SLC2A2: variants seen among roughly 807,000 people sequenced by gnomAD.
SLC2A2 encodes solute carrier family 2 member 2.
Under a neutral mutation model 54.5 loss-of-function variants are expected in SLC2A2, and 36 were observed. The observed-to-expected ratio is 0.66, with a 90% CI of 0.51 to 0.87. The LOEUF is 0.87. Among genes scored for constraint, SLC2A2 ranks in the 40% least tolerant of loss-of-function variants. The pLI is 0.00. For missense variants in SLC2A2, 543 were observed against 624.3 expected, an observed-to-expected ratio of 0.87 and a Z score of 1.39; for synonymous variants, 223 against 219.1, an observed-to-expected ratio of 1.02 and a Z score of -0.16.
At chr3:171,014,430 G>T in intron 3 of SLC2A2, 39 bp downstream of exon 3, 1 of 1,603,172 alleles carries the variant, frequency 6.2e-7, no homozygotes, top group Non-Finnish European at 8.5e-7. Flanking sequence ...ATGAAAATAT[G>T]AAAGTTTCTG....
chr3:171,018,239 T>TC lies in SLC2A2; in HGVS notation c.108+291dup, dbSNP rs1716244382. The stretch of plus-strand genomic sequence containing the variant: ...ATAAGCTCTTTTTTTCTTTTTTTTT[T>TC]CTAAAGTATCCTTCAGCACATGATA... On this transcript the variant is annotated intron_variant, in intron 2 of 10. Coordinates refer to ENST00000314251, the MANE Select transcript of SLC2A2 (RefSeq NM_000340.2). Among the ~76,000 whole-genome samples the TC allele has an allele frequency of 3.3e-5, 5 of 152,286 alleles. No homozygotes were observed. In the South Asian group the frequency reaches 1.0e-3, roughly 32 times the overall value.
At chr3:171,012,912 A>C (rs1019528739) in intron 3 of SLC2A2, among the ~76,000 whole-genome samples, 1 of 152,180 alleles carries the variant, frequency 6.6e-6, no homozygotes, top group African/African-American at 2.4e-5. Context: ...TGTTGATGCC[A>C]AATCCTAAGA....
rs200539659 is a variant in SLC2A2, at chr3:171,019,129, G to GTATATATATA, written c.16-516_16-507dup. On this transcript the variant is annotated intron_variant, in intron 1 of 10. Transcript: ENST00000314251. ...TATATATATATATATATATACGTAT[G>GTATATATATA]TATATATATATATATATATATATAT... Among the ~76,000 whole-genome samples the GTATATATATA allele has an allele frequency of 1.0e-3, 26 of 25,038 alleles. 1 individual carries two copies. Among genetic ancestry groups the GTATATATATA allele is most frequent in the East Asian group, 2.1e-3 (1 of 482 alleles). The allele number at this position is 25,038 out of a possible 152,430, so 16.4% of individuals were successfully genotyped here.
chr3:171,010,411 C>A (rs1312588614), intron 3 of SLC2A2, among the ~76,000 whole-genome samples: 1 of 152,158 alleles, frequency 6.6e-6, no homozygotes, highest in Non-Finnish European at 1.5e-5. Flanking sequence ...GAAGTCTTGA[C>A]CTCCCAGGCT....
At chr3:171,015,735 G>A (rs749802216) in intron 2 of SLC2A2, among the ~76,000 whole-genome samples, 9 of 152,176 alleles carry the variant, frequency 5.9e-5, no homozygotes, top group Non-Finnish European at 1.3e-4. Context: ...GAAAACAACC[G>A]GGTATATTAT....
In SLC2A2 at chr3:171,015,197, G is replaced by A. The variant is rs770861541; in HGVS notation, c.109-466C>T. On this transcript the variant is annotated intron_variant, in intron 2 of 10. Transcript: ENST00000314251. ...CTATTCTGCAGGCTAGGCCAGGCGCGGTGGCTCACACCTATAATCTCAGCA... is the reference window on the plus strand; with the variant it reads ...CTATTCTGCAGGCTAGGCCAGGCGCAGTGGCTCACACCTATAATCTCAGCA... Among the ~76,000 whole-genome samples, 8 of 152,228 alleles carry A rather than the reference G, an allele frequency of 5.3e-5. No homozygotes were observed. In the Middle Eastern group the frequency reaches 0.01, roughly 194 times the overall value.
rs182149068 is a variant in SLC2A2 at position 171,003,038 on chromosome 3, C to G, written c.964-358G>C. On this transcript the variant is annotated intron_variant, in intron 7 of 10. Transcript: ENST00000314251. ...TGAACACACCTATGTAACTAGCACC[C>G]AGATCAAGAGATAAATAATTTCCAC... is the stretch of plus-strand genomic sequence containing the variant. Among the ~76,000 whole-genome samples, 4 of 152,064 alleles carry G rather than the reference C, an allele frequency of 2.6e-5. No individual in the cohort carries two copies. In the East Asian group the frequency reaches 7.8e-4, roughly 30 times the overall value.
intron 1 of SLC2A2, among the ~76,000 whole-genome samples, chr3:171,021,174 T>C (rs149921082): frequency 6.6e-6 from 1 of 152,178 alleles, no homozygotes; most frequent in Admixed American, 6.5e-5. Flanking sequence ...TGGTTTCTCC[T>C]CAAATCCTTT....
chr3:171,010,786 C>G (rs1307073726), intron 3 of SLC2A2, among the ~76,000 whole-genome samples: 3 of 151,836 alleles, frequency 2.0e-5, no homozygotes, highest in Non-Finnish European at 2.9e-5. Context: ...TTATTAGTGA[C>G]CAATGTAAAA....
At chr3:171,026,613 T>C in intron 1 of SLC2A2, 43 bp downstream of exon 1, 1 of 1,571,516 alleles carries the variant, frequency 6.4e-7, no homozygotes, top group Admixed American at 1.7e-5. Context: ...CCCCTAACTA[T>C]CTCCTGAAAA....
intron 4 of SLC2A2, chr3:171,007,565 T>C (rs1489901188): frequency 5.5e-6 from 2 of 362,778 alleles, no homozygotes; most frequent in Non-Finnish European, 1.0e-5. Flanking sequence ...CATAATGCCT[T>C]AGGTTATCTT....
At chr3:171,010,487 C>T (rs1576834299) in intron 3 of SLC2A2, among the ~76,000 whole-genome samples, 1 of 152,194 alleles carries the variant, frequency 6.6e-6, no homozygotes, top group Non-Finnish European at 1.5e-5. Flanking sequence ...TAAGATAACA[C>T]TTATGACAGT....
At position 171,005,828 on chromosome 3, in the gene SLC2A2, C is replaced by T. The variant is rs145288804; in HGVS notation, c.775+115G>A. On this transcript the variant is annotated intron_variant, in intron 6 of 10. Transcript: ENST00000314251. Reference sequence around the variant, plus strand: ...ATGACATGCACCAGTCATATAAAAGCGATTTTGCACATTCTTCTTACATTT... The same window carrying T: ...ATGACATGCACCAGTCATATAAAAGTGATTTTGCACATTCTTCTTACATTT... 9.9e-4 allele frequency: 1,067 copies of T among 1,078,546 alleles called. 1 individual carries two copies. The highest frequency in any genetic ancestry group is 1.4e-3 in the Non-Finnish European group (966 of 711,020). The allele number at this position is 1,078,546 out of a possible 1,614,324, so 66.8% of individuals were successfully genotyped here.
intron 2 of SLC2A2, 88 bp from the exon 3 acceptor site, chr3:171,014,819 T>C: frequency 2.0e-6 from 2 of 996,456 alleles, no homozygotes; most frequent in African/African-American, 3.2e-5. Flanking sequence ...CGTGTTTAAA[T>C]AGTACCATCT....
Position 170,998,067 on chromosome 3 carries a change from C to G in SLC2A2, c.1411G>C (p.Gly471Arg). Residue 471 changes from glycine (G) to arginine (R), a missense_variant, in exon 11 of 11, where the codon GGA (glycine) becomes CGA (arginine). By Grantham distance (125) the Gly-to-Arg change is moderately radical. Transcript: ENST00000314251. The part of the protein sequence containing the change: ...CGPYVFFLFA[G>R]VLLAFTLFTF... The stretch of plus-strand genomic sequence containing the variant: ...AACAGGGTAAAGGCCAGGAGCACTC[C>G]AGCAAAGAGGAAAAACACATAAGGT... 1 of 1,613,610 alleles carries G rather than the reference C, an allele frequency of 6.2e-7. No homozygotes were observed. Among genetic ancestry groups the G allele is most frequent in the Non-Finnish European group, 8.5e-7 (1 of 1,179,786 alleles).
At chr3:171,004,974 GT>G (rs1715522329) in intron 7 of SLC2A2, among the ~76,000 whole-genome samples, 2 of 152,038 alleles carry the variant, frequency 1.3e-5, no homozygotes, top group African/African-American at 4.8e-5. Context: ...GCTCCTTGCA[GT>G]TTTTTGGGGG....
At chr3:171,022,765 A>G (rs1160055841) in intron 1 of SLC2A2, among the ~76,000 whole-genome samples, 2 of 152,198 alleles carry the variant, frequency 1.3e-5, no homozygotes, top group East Asian at 1.9e-4. Flanking sequence ...AGCCATGCTA[A>G]TGGTGAGCAG....
intron 1 of SLC2A2, among the ~76,000 whole-genome samples, chr3:171,018,827 TA>T (rs1716282840): frequency 6.6e-6 from 1 of 152,040 alleles, no homozygotes; most frequent in Non-Finnish European, 1.5e-5. Flanking sequence ...CCTATGCTGC[TA>T]AAACTCAAAG....
At chr3:171,001,109 C>T (rs976955344) in intron 8 of SLC2A2, among the ~76,000 whole-genome samples, 4 of 152,064 alleles carry the variant, frequency 2.6e-5, no homozygotes, top group Middle Eastern at 3.4e-3. Flanking sequence ...ACAACTCCTC[C>T]CACATCAGTG....
Sources: gnomAD v4.1 joint callset for allele counts (sites outside exome capture counted in the v4.1 genomes callset) on GRCh38, gnomAD v4.1.1 for gene constraint, MANE v1.5 for transcripts, NCBI Gene and HGNC (gene_info 2026-07-23, HGNC 2026-07-21) for gene names.